HTR2C: variants seen among roughly 807,000 people sequenced by gnomAD.
The protein encoded by HTR2C is 5-hydroxytryptamine receptor 2C, also known as 5-hydroxytryptamine (serotonin) receptor 2C, G protein-coupled.
In HTR2C, 5 loss-of-function variants were observed where a neutral mutation model predicts 21.0. The observed-to-expected ratio is 0.24, with a 90% CI of 0.12 to 0.50. HTR2C has a LOEUF of 0.50. Ranked by LOEUF, HTR2C falls within the 20% of genes least tolerant of loss-of-function variation. The pLI, the probability that HTR2C is intolerant of heterozygous loss-of-function variation, is 0.98. For synonymous variants in HTR2C, 150 were observed against 145.3 expected (o/e 1.03, Z -0.23); for missense variants, 271 against 371.2 (o/e 0.73, Z 2.22).
intron 2 of HTR2C, among the ~76,000 whole-genome samples, chrX:114,683,713 T>A (rs1384809309): frequency 2.7e-5 from 3 of 111,416 alleles, no homozygotes; most frequent in African/African-American, 6.5e-5. Context: ...AAGAATCGCT[T>A]GAACCCTGGA....
At chrX:114,643,460 T>C (rs1325746439) in intron 2 of HTR2C, among the ~76,000 whole-genome samples, 2 of 111,500 alleles carry the variant, frequency 1.8e-5, no homozygotes, top group African/African-American at 6.5e-5. Context: ...TTTATGACTA[T>C]GTTGGCTTTT....
intron 2 of HTR2C, among the ~76,000 whole-genome samples, chrX:114,668,684 C>G: frequency 9.1e-6 from 1 of 110,349 alleles, no homozygotes; most frequent in Non-Finnish European, 1.9e-5. Context: ...AAATGGGAAC[C>G]AAGAATTATT....
intron 2 of HTR2C, among the ~76,000 whole-genome samples, chrX:114,725,492 G>A (rs782504982): frequency 5.4e-5 from 6 of 111,557 alleles, no homozygotes; most frequent in East Asian, 5.7e-4. Context: ...TAATTTGATC[G>A]TCTGGAGCCT....
intron 4 of HTR2C, among the ~76,000 whole-genome samples, chrX:114,777,965 G>T (rs2070075812): frequency 8.9e-6 from 1 of 112,242 alleles, no homozygotes; most frequent in African/African-American, 3.2e-5. Flanking sequence ...CATTCTTTAA[G>T]AGACAGAATG....
In HTR2C at chrX:114,678,440, C is replaced by A. The variant is rs781839947; in HGVS notation, c.-79-48418C>A. 3.0e-3 allele frequency among the ~76,000 whole-genome samples: 330 copies of A among 111,464 alleles called. 2 individuals carry two copies. The highest frequency in any genetic ancestry group is 3.9e-3 in the Non-Finnish European group (206 of 53,124). ...ATTGGAAAAAAAGTAATAGGCGAAA[C>A]TACACAATGCTGGTGTTGATTTGGC... On this transcript the variant is annotated intron_variant, in intron 2 of 5. Transcript: ENST00000276198.
At chrX:114,598,330 G>A (rs1424998777) in intron 1 of HTR2C, among the ~76,000 whole-genome samples, 1 of 111,723 alleles carries the variant, frequency 9.0e-6, no homozygotes, top group African/African-American at 3.3e-5. Flanking sequence ...GAGATTTTCG[G>A]ATGGATAAGA....
intron 2 of HTR2C, among the ~76,000 whole-genome samples, chrX:114,690,525 G>A (rs1556414974): frequency 9.0e-6 from 1 of 110,901 alleles, no homozygotes; most frequent in Admixed American, 9.7e-5. Context: ...CAATAAAATT[G>A]TACATAGAAA....
At chrX:114,857,065 C>A (rs984637470) in intron 5 of HTR2C, among the ~76,000 whole-genome samples, 28 of 111,170 alleles carry the variant, frequency 2.5e-4, no homozygotes, top group Non-Finnish European at 4.5e-4. Context: ...TTGATATAGT[C>A]AATGATGTTT....
At chrX:114,613,587 C>G (rs782790993) in intron 1 of HTR2C, among the ~76,000 whole-genome samples, 1 of 111,937 alleles carries the variant, frequency 8.9e-6, no homozygotes, top group Non-Finnish European at 1.9e-5. Flanking sequence ...TACCCAGCCT[C>G]TATTCACGAT....
chrX:114,645,474 G>A lies in HTR2C; in HGVS notation c.-80+31593G>A, dbSNP rs1056585509. On this transcript the variant is annotated intron_variant, in intron 2 of 5. Transcript: ENST00000276198. Reference sequence around the variant, plus strand: ...TGGAAGAAGGAGAGAGAGGGAGAACGTAATAATAAAAAAAATGAGTAAATG... The same window carrying A: ...TGGAAGAAGGAGAGAGAGGGAGAACATAATAATAAAAAAAATGAGTAAATG... 9.7e-5 allele frequency among the ~76,000 whole-genome samples: 10 copies of A among 103,065 alleles called. No individual in the cohort carries two copies. The East Asian group carries it at 2.2e-3, about 22-fold the overall frequency. The allele number at this position is 103,065 out of a possible 115,157, so 89.5% of individuals were successfully genotyped here. A position where few individuals can be genotyped will look rare whatever the true frequency, so the allele number is the denominator to read the frequency against.
intron 2 of HTR2C, among the ~76,000 whole-genome samples, chrX:114,706,479 G>A (rs1232685063): frequency 1.6e-4 from 16 of 98,777 alleles, no homozygotes; most frequent in East Asian, 3.4e-4. Flanking sequence ...AACACCGCAT[G>A]TTCTCACTCA....
chrX:114,597,947 G>C (rs1469874250), intron 1 of HTR2C, among the ~76,000 whole-genome samples: 3 of 111,747 alleles, frequency 2.7e-5, no homozygotes, highest in Non-Finnish European at 5.6e-5. Context: ...CCCAACTTTA[G>C]ACATTGTTAC....
chrX:114,903,453 TA>T (rs2071351248), intron 5 of HTR2C, among the ~76,000 whole-genome samples: 1 of 112,219 alleles, frequency 8.9e-6, no homozygotes, highest in South Asian at 3.6e-4. Flanking sequence ...ATACACTCAA[TA>T]AATGGCAGCT....
chrX:114,806,595 AT>A (rs1556449884), intron 4 of HTR2C, among the ~76,000 whole-genome samples: 2 of 95,212 alleles, frequency 2.1e-5, no homozygotes, highest in Admixed American at 1.2e-4. Flanking sequence ...TATCATATAT[AT>A]CATATATACA....
At chrX:114,646,060 C>T (rs782520361) in intron 2 of HTR2C, among the ~76,000 whole-genome samples, 68 of 111,954 alleles carry the variant, frequency 6.1e-4, no homozygotes, top group Non-Finnish European at 1.1e-3. Flanking sequence ...AGATTAGCTA[C>T]AGTATATCTT....
chrX:114,856,206 G>A (rs945036992), intron 5 of HTR2C, among the ~76,000 whole-genome samples: 14 of 107,541 alleles, frequency 1.3e-4, no homozygotes, highest in African/African-American at 4.4e-4. Context: ...AATCATGAGT[G>A]AACTCCCATT....
intron 2 of HTR2C, among the ~76,000 whole-genome samples, chrX:114,616,727 T>A (rs1928964094): frequency 8.9e-6 from 1 of 112,226 alleles, no homozygotes; most frequent in Non-Finnish European, 1.9e-5. Flanking sequence ...TATATCACAG[T>A]CAAAGTAACA....
chrX:114,809,734 G>T (rs1476593103), intron 4 of HTR2C, among the ~76,000 whole-genome samples: 6 of 111,020 alleles, frequency 5.4e-5, no homozygotes, highest in African/African-American at 2.0e-4. Context: ...CCTGGAACCG[G>T]GGACCCCAAG....
intron 2 of HTR2C, among the ~76,000 whole-genome samples, chrX:114,681,833 G>A (rs1931757444): frequency 9.0e-6 from 1 of 111,204 alleles, no homozygotes; most frequent in Non-Finnish European, 1.9e-5. Flanking sequence ...TTGTCAAAAC[G>A]TGTTCCTCTC....
Sources: gnomAD v4.1 joint callset for allele counts (sites outside exome capture counted in the v4.1 genomes callset) on GRCh38, gnomAD v4.1.1 for gene constraint, MANE v1.5 for transcripts, NCBI Gene and HGNC (gene_info 2026-07-23, HGNC 2026-07-21) for gene names.